Variants in ABTB3 observed in about 807,000 individuals in gnomAD.
ABTB3 encodes the protein ankyrin repeat and BTB domain containing 3.
chr12:107,651,530 C>A, the ABTB3 span: 9 of 498,432 alleles, frequency 1.8e-5, no homozygotes, highest in Non-Finnish European at 3.1e-5. Context: ...TCTAGTGTTA[C>A]CTTTGTGCAT....
the ABTB3 span, among the ~76,000 whole-genome samples, chr12:107,537,340 C>T: frequency 1.3e-5 from 2 of 151,974 alleles, no homozygotes; most frequent in Non-Finnish European, 2.9e-5. Context: ...ATATAGTTAA[C>T]AATAATGTAT....
the ABTB3 span, among the ~76,000 whole-genome samples, chr12:107,405,788 GTCC>G: frequency 1.2e-4 from 19 of 152,202 alleles, no homozygotes; most frequent in Non-Finnish European, 2.4e-4. Context: ...TCTCTTTCCT[GTCC>G]TCCTAGGGCC....
At chr12:107,472,432 A>G in the ABTB3 span, among the ~76,000 whole-genome samples, 4 of 152,330 alleles carry the variant, frequency 2.6e-5, no homozygotes, top group South Asian at 4.1e-4. Context: ...GGAGAGGGTC[A>G]AAAACATGGA....
the ABTB3 span, among the ~76,000 whole-genome samples, chr12:107,503,991 T>C: frequency 1.3e-5 from 2 of 152,168 alleles, no homozygotes; most frequent in Non-Finnish European, 2.9e-5. Context: ...AGAAGCATCC[T>C]TATCTTTCTC....
At chr12:107,447,356 A>G in the ABTB3 span, among the ~76,000 whole-genome samples, 7 of 152,110 alleles carry the variant, frequency 4.6e-5, no homozygotes, top group Admixed American at 1.3e-4. Flanking sequence ...TGGTCAGGCT[A>G]GTCTCAAACT....
At chr12:107,531,541 C>A in the ABTB3 span, among the ~76,000 whole-genome samples, 35 of 152,194 alleles carry the variant, frequency 2.3e-4, no homozygotes, top group South Asian at 6.6e-3. Flanking sequence ...GCCAATCATC[C>A]AGCAATGTCT....
chr12:107,559,114 C>T, the ABTB3 span, among the ~76,000 whole-genome samples: 1 of 152,214 alleles, frequency 6.6e-6, no homozygotes, highest in Admixed American at 6.5e-5. Flanking sequence ...CAGTTAGGAC[C>T]TAGCCCCAGG....
chr12:107,506,715 C>T, the ABTB3 span, among the ~76,000 whole-genome samples: 1 of 152,192 alleles, frequency 6.6e-6, no homozygotes, highest in African/African-American at 2.4e-5. Context: ...TGTTTGTCCT[C>T]CCAGCTAGAC....
the ABTB3 span, among the ~76,000 whole-genome samples, chr12:107,508,700 G>A: frequency 6.6e-6 from 1 of 151,686 alleles, no homozygotes; most frequent in Non-Finnish European, 1.5e-5. Flanking sequence ...TGCCTGACTC[G>A]GCCTCCCAAA....
the ABTB3 span, among the ~76,000 whole-genome samples, chr12:107,633,204 C>T: frequency 6.6e-6 from 1 of 152,124 alleles, no homozygotes; most frequent in Non-Finnish European, 1.5e-5. Flanking sequence ...AGTAGGTCTA[C>T]AAAAGACACC....
the ABTB3 span, among the ~76,000 whole-genome samples, chr12:107,387,057 A>C: frequency 6.6e-6 from 1 of 150,566 alleles, no homozygotes; most frequent in East Asian, 2.0e-4. Flanking sequence ...GGCTCACTGC[A>C]ACCTCCACCT....
At chr12:107,402,976 G>A in the ABTB3 span, among the ~76,000 whole-genome samples, 7 of 152,294 alleles carry the variant, frequency 4.6e-5, no homozygotes, top group East Asian at 1.4e-3. Flanking sequence ...CAGGAGTACA[G>A]TAGTCACCAG....
chr12:107,473,512 C>T, the ABTB3 span, among the ~76,000 whole-genome samples: 1 of 152,220 alleles, frequency 6.6e-6, no homozygotes, highest in African/African-American at 2.4e-5. Flanking sequence ...TGCCACCTTG[C>T]CCGGCTAATT....
chr12:107,600,620 C>A, the ABTB3 span, among the ~76,000 whole-genome samples: 2 of 152,224 alleles, frequency 1.3e-5, no homozygotes, highest in African/African-American at 2.4e-5. Flanking sequence ...CAGTCTGCAC[C>A]TTCCAATGGT....
chr12:107,368,500 C>A, the ABTB3 span, among the ~76,000 whole-genome samples: 2 of 152,316 alleles, frequency 1.3e-5, no homozygotes, highest in South Asian at 4.1e-4. Flanking sequence ...TAATGATGGG[C>A]AACTAGTTGC....
the ABTB3 span, chr12:107,610,349 C>G: frequency 6.2e-7 from 1 of 1,614,048 alleles, no homozygotes; most frequent in Non-Finnish European, 8.5e-7. Context: ...ACACCATGAG[C>G]GAACAGGTAC....
the ABTB3 span, among the ~76,000 whole-genome samples, chr12:107,342,350 G>C: frequency 2.0e-5 from 3 of 152,052 alleles, no homozygotes; most frequent in African/African-American, 7.3e-5. Context: ...AGAGAGCTGA[G>C]GTGTAGTTGG....
the ABTB3 span, among the ~76,000 whole-genome samples, chr12:107,648,380 C>CCACACACACACACACACACACA: frequency 0.021 from 2,919 of 140,064 alleles, 45 homozygotes; most frequent in Non-Finnish European, 0.026. Context: ...GACCCCATCT[C>CCACACACACACACACACACACA]CACACACACA....
At chr12:107,500,102 G>A in the ABTB3 span, among the ~76,000 whole-genome samples, 2 of 152,146 alleles carry the variant, frequency 1.3e-5, no homozygotes, top group South Asian at 2.1e-4. Flanking sequence ...CCTGACATGC[G>A]GCGATTACAA....
Sources: gnomAD v4.1 joint callset for allele counts (sites outside exome capture counted in the v4.1 genomes callset) on GRCh38, gnomAD v4.1.1 for gene constraint, MANE v1.5 for transcripts, NCBI Gene and HGNC (gene_info 2026-07-23, HGNC 2026-07-21) for gene names.